Variants in SYT12 observed in about 807,000 individuals in gnomAD.
SYT12 encodes the protein synaptotagmin 12, also known as synaptotagmin-12.
SYT12 carries 27 observed loss-of-function variants against 39.5 expected under a neutral mutation model. That is an observed-to-expected ratio of 0.68 (90% CI 0.50 to 0.94). The LOEUF is 0.94. Ranked by LOEUF, SYT12 falls within the 40% of genes least tolerant of loss-of-function variation. The pLI is 0.00. For synonymous variants in SYT12, 233 were observed against 239.7 expected (o/e 0.97, Z 0.26); for missense variants, 536 against 572.6 (o/e 0.94, Z 0.65).
intron 6 of SYT12, among the ~76,000 whole-genome samples, 186 bp downstream of exon 6, chr11:67,044,899 C>T (rs1002167950): frequency 1.3e-5 from 2 of 151,840 alleles, no homozygotes; most frequent in Admixed American, 6.6e-5. Context: ...TTAATCCAGC[C>T]GGGGAAACAT....
rs758277441 is a variant in SYT12, at chr11:67,040,123, G to C, written c.541G>C (p.Glu181Gln). 1 of 1,612,192 alleles carries C rather than the reference G, an allele frequency of 6.2e-7. No homozygotes were observed. The highest frequency in any genetic ancestry group is 1.3e-5 in the African/African-American group (1 of 74,918). The change falls in exon 4 of 8, where the codon GAG becomes CAG. Residue 181 changes from glutamate (E) to glutamine (Q), a missense_variant. By Grantham distance (29) the Glu-to-Gln change is conservative. Coordinates refer to ENST00000527043, the MANE Select transcript of SYT12 (RefSeq NM_177963.4). ...VAVMQGKDLL[E>Q]REEASFESCF... ...GGTGATGCAGGGCAAGGACCTCCTG[G>C]AGCGGGAGGAGGCCAGCTTCGAGTC...
intron 2 of SYT12, among the ~76,000 whole-genome samples, chr11:67,033,891 T>C (rs1266807144): frequency 6.6e-6 from 1 of 151,736 alleles, no homozygotes; most frequent in African/African-American, 2.4e-5. Flanking sequence ...GTTGAGGAGG[T>C]TGTTAATTTC....
chr11:67,042,592 A>G lies in SYT12; in HGVS notation c.622-1046A>G, dbSNP rs576707512. Among the ~76,000 whole-genome samples, 12 of 152,306 alleles carry G rather than the reference A, an allele frequency of 7.9e-5. No homozygotes were observed. The South Asian group carries it at 2.1e-3, about 26-fold the overall frequency. ...CCCAGGGTTCCATCCTCCTCCACCC[A>G]TGTGCACATAAAGCACACGCTCAGA... On this transcript the variant is annotated intron_variant, in intron 4 of 7. Transcript: ENST00000527043.
At chr11:67,048,483 G>T (rs958972759) in intron 7 of SYT12, 101 bp from the exon 8 acceptor site, 4 of 1,309,138 alleles carry the variant, frequency 3.1e-6, no homozygotes, top group Middle Eastern at 3.9e-4. Context: ...AGCTGTGCCT[G>T]GCACCCCACT....
intron 1 of SYT12, among the ~76,000 whole-genome samples, chr11:67,008,917 A>T (rs1320703595): frequency 6.6e-6 from 1 of 152,136 alleles, no homozygotes; most frequent in Non-Finnish European, 1.5e-5. Context: ...AACCTTGGTG[A>T]TAGAGAGTCC....
At chr11:67,029,990 C>A in intron 1 of SYT12, 132 bp from the exon 2 acceptor site, 1 of 687,328 alleles carries the variant, frequency 1.5e-6, no homozygotes, top group Admixed American at 2.6e-5. Flanking sequence ...CCAAGCCTCC[C>A]TTTGGTGGCA....
intron 3 of SYT12, among the ~76,000 whole-genome samples, chr11:67,037,611 C>T (rs544787142): frequency 1.3e-5 from 2 of 151,726 alleles, no homozygotes; most frequent in Non-Finnish European, 2.9e-5. Flanking sequence ...TGGGTAGGCA[C>T]AGTGCTCATG....
intron 3 of SYT12, among the ~76,000 whole-genome samples, chr11:67,012,804 A>C (rs1950022595): frequency 6.6e-6 from 1 of 152,196 alleles, no homozygotes; most frequent in Non-Finnish European, 1.5e-5. Context: ...GTAAGAAACT[A>C]ATCCAAGGTC....
At chr11:67,030,057 C>T in intron 1 of SYT12, 65 bp from the exon 2 acceptor site, 1 of 1,531,628 alleles carries the variant, frequency 6.5e-7, no homozygotes, top group Non-Finnish European at 9.0e-7. Flanking sequence ...GCCAGGAGGC[C>T]AGGACCTAGG....
intron 3 of SYT12, among the ~76,000 whole-genome samples, chr11:67,038,744 T>A (rs1950436835): frequency 6.6e-6 from 1 of 151,624 alleles, no homozygotes; most frequent in East Asian, 2.0e-4. Flanking sequence ...ATCTCAGCAC[T>A]TTGGGAGGCT....
At chr11:67,013,348 C>T (rs919218503) in intron 3 of SYT12, among the ~76,000 whole-genome samples, 1 of 152,228 alleles carries the variant, frequency 6.6e-6, no homozygotes, top group Non-Finnish European at 1.5e-5. Flanking sequence ...TGCCTCCCTG[C>T]AGCTTCCTCA....
At chr11:67,014,668 G>T (rs879806577) in intron 3 of SYT12, among the ~76,000 whole-genome samples, 2 of 152,176 alleles carry the variant, frequency 1.3e-5, no homozygotes, top group Admixed American at 1.3e-4. Flanking sequence ...TGGGGTGGAG[G>T]TGGGGGTAGC....
chr11:67,019,919 G>C (rs374127179), upstream of SYT12, among the ~76,000 whole-genome samples: 6 of 150,076 alleles, frequency 4.0e-5, no homozygotes, highest in Admixed American at 6.6e-5. Context: ...AAAAAGTGGC[G>C]AGCCGCTTGC....
At chr11:67,030,240 G>A in intron 2 of SYT12, 62 bp downstream of exon 2, 1 of 1,580,594 alleles carries the variant, frequency 6.3e-7, no homozygotes, top group Non-Finnish European at 8.7e-7. Flanking sequence ...CCAGGCCTGG[G>A]TGGGAGGTGT....
At chr11:67,042,878 C>T (rs1950539632) in intron 4 of SYT12, among the ~76,000 whole-genome samples, 1 of 152,060 alleles carries the variant, frequency 6.6e-6, no homozygotes, top group Non-Finnish European at 1.5e-5. Context: ...TGGCCGGTGG[C>T]GCTGGGGGAT....
chr11:67,044,460 G>C, intron 5 of SYT12, 133 bp from the exon 6 acceptor site: 4 of 1,266,986 alleles, frequency 3.2e-6, no homozygotes, highest in Non-Finnish European at 4.2e-6. Flanking sequence ...GGAGCCCTGT[G>C]GTAAGGGGCC....
chr11:67,048,051 A>T (rs930818514), intron 7 of SYT12, among the ~76,000 whole-genome samples: 1 of 149,398 alleles, frequency 6.7e-6, no homozygotes, highest in African/African-American at 2.5e-5. Flanking sequence ...TCGGCCTCCC[A>T]AAGTGCTGGG....
Position 67,044,672 on chromosome 11 carries a change from A to G in SYT12, c.917A>G (p.Lys306Arg). The G allele has an allele frequency of 6.2e-7, 1 of 1,613,748 alleles. No individual in the cohort carries two copies. Among genetic ancestry groups the G allele is most frequent in the Non-Finnish European group, 8.5e-7 (1 of 1,179,996 alleles). ...TAERLTVVVV[K>R]AKNLIWTNDK... Reference sequence around the variant, plus strand: ...GAGCGCCTCACCGTGGTCGTGGTTAAGGCCAAGAACCTCATCTGGACCAAC... The same window carrying G: ...GAGCGCCTCACCGTGGTCGTGGTTAGGGCCAAGAACCTCATCTGGACCAAC... Residue 306 changes from lysine (K) to arginine (R), a missense_variant, in exon 6 of 8, where the codon AAG (lysine) becomes AGG (arginine). Lys to Arg is a conservative substitution (Grantham distance 26, BLOSUM62 2). Coordinates refer to ENST00000527043, the MANE Select transcript of SYT12 (RefSeq NM_177963.4).
chr11:67,027,222 CA>C (rs1237140265), intron 1 of SYT12: 1 of 152,406 alleles, frequency 6.6e-6, no homozygotes, highest in African/African-American at 2.4e-5. Context: ...GTCTGGAGGC[CA>C]GGGGCGGTGG....
Sources: gnomAD v4.1 joint callset for allele counts (sites outside exome capture counted in the v4.1 genomes callset) on GRCh38, gnomAD v4.1.1 for gene constraint, MANE v1.5 for transcripts, NCBI Gene and HGNC (gene_info 2026-07-23, HGNC 2026-07-21) for gene names.